The following MGMT variants were observed in gnomAD, a reference collection of about 807,000 sequenced individuals.
The protein encoded by MGMT is O-6-methylguanine-DNA methyltransferase, also known as methylated-DNA--protein-cysteine methyltransferase.
A neutral mutation model predicts 15.9 loss-of-function variants in MGMT; 14 were observed. That is an observed-to-expected ratio of 0.88 (90% CI 0.58 to 1.37). The LOEUF (loss-of-function observed/expected upper bound fraction) is 1.37. MGMT is among the 40% of genes most tolerant of loss of function. The pLI, the probability that MGMT is intolerant of heterozygous loss-of-function variation, is 0.00. For synonymous variants in MGMT, 130 were observed against 118.2 expected, an observed-to-expected ratio of 1.10 and a Z score of -0.65; for missense variants, 282 against 268.1, an observed-to-expected ratio of 1.05 and a Z score of -0.36.
intron 2 of MGMT, among the ~76,000 whole-genome samples, chr10:129,653,579 C>T (rs1446603228): frequency 6.6e-6 from 1 of 152,250 alleles, no homozygotes; most frequent in Non-Finnish European, 1.5e-5. Flanking sequence ...AATGGAGTGG[C>T]CTCACGTGGC....
intron 3 of MGMT, among the ~76,000 whole-genome samples, chr10:129,720,608 T>G (rs1848358897): frequency 6.6e-6 from 1 of 152,232 alleles, no homozygotes; most frequent in Non-Finnish European, 1.5e-5. Context: ...AGCACACAGC[T>G]AAAGATTGCC....
At chr10:129,630,089 T>C (rs1847193054) in intron 2 of MGMT, among the ~76,000 whole-genome samples, 1 of 152,176 alleles carries the variant, frequency 6.6e-6, no homozygotes, top group Non-Finnish European at 1.5e-5. Flanking sequence ...CTTTGTCTGG[T>C]TAATCGCGTG....
chr10:129,726,576 T>C (rs999632390), intron 3 of MGMT, among the ~76,000 whole-genome samples: 5 of 152,236 alleles, frequency 3.3e-5, no homozygotes, highest in Non-Finnish European at 5.9e-5. Flanking sequence ...ATTGGTGTTT[T>C]CCACAGATCT....
At chr10:129,657,412 G>C (rs1381842931) in intron 2 of MGMT, among the ~76,000 whole-genome samples, 1 of 151,500 alleles carries the variant, frequency 6.6e-6, no homozygotes, top group East Asian at 2.0e-4. Context: ...TGGGGGTGGG[G>C]GGGGGAGCAA....
chr10:129,589,191 G>A (rs180875827), intron 2 of MGMT, among the ~76,000 whole-genome samples: 5 of 152,240 alleles, frequency 3.3e-5, no homozygotes, highest in East Asian at 3.8e-4. Flanking sequence ...GTCTGTTCTC[G>A]CAGTCATGGA....
chr10:129,654,198 G>A (rs1847497723), intron 2 of MGMT, among the ~76,000 whole-genome samples: 1 of 152,162 alleles, frequency 6.6e-6, no homozygotes, highest in Non-Finnish European at 1.5e-5. Context: ...CCCATCTGTG[G>A]TTTGGGATCC....
intron 1 of MGMT, among the ~76,000 whole-genome samples, chr10:129,497,194 C>T (rs1845530379): frequency 6.6e-6 from 1 of 152,184 alleles, no homozygotes; most frequent in South Asian, 2.1e-4. Flanking sequence ...ACAGCTCGTA[C>T]CACTCCCCCG....
At chr10:129,550,277 C>G (rs538848684) in intron 2 of MGMT, among the ~76,000 whole-genome samples, 1 of 151,378 alleles carries the variant, frequency 6.6e-6, no homozygotes, top group Non-Finnish European at 1.5e-5. Context: ...CAGCCATCAC[C>G]GCCACCCAGC....
intron 1 of MGMT, among the ~76,000 whole-genome samples, chr10:129,526,445 G>A (rs1230054766): frequency 2.6e-5 from 4 of 152,078 alleles, no homozygotes; most frequent in African/African-American, 4.8e-5. Flanking sequence ...ACACAGACCC[G>A]AAGCCCAGGC....
At chr10:129,672,512 G>C (rs1021123871) in intron 2 of MGMT, among the ~76,000 whole-genome samples, 1 of 152,038 alleles carries the variant, frequency 6.6e-6, no homozygotes, top group Non-Finnish European at 1.5e-5. Context: ...TAAATCTCTT[G>C]TTCTCCGTTA....
chr10:129,705,198 G>A (rs980209325), intron 2 of MGMT, among the ~76,000 whole-genome samples: 3 of 152,192 alleles, frequency 2.0e-5, no homozygotes, highest in African/African-American at 7.2e-5. Flanking sequence ...AAATGGAAAC[G>A]CCACCATAGG....
At chr10:129,702,333 G>T (rs1848108954) in intron 2 of MGMT, among the ~76,000 whole-genome samples, 1 of 152,208 alleles carries the variant, frequency 6.6e-6, no homozygotes. Flanking sequence ...CACACGCCCA[G>T]CAAAGCTGGG....
In MGMT at chr10:129,731,486, A is replaced by G. The variant is rs1848497268; in HGVS notation, c.274+23443A>G. Among the ~76,000 whole-genome samples, 5 of 148,162 alleles carry G rather than the reference A, an allele frequency of 3.4e-5. No individual in the cohort carries two copies. In the South Asian group the frequency reaches 1.1e-3, roughly 31 times the overall value. On this transcript the variant is annotated intron_variant, in intron 3 of 4. Transcript: ENST00000651593. ...CAAGAGATTCTTCTGCCTCAGCTTC[A>G]TACACCCTGCATATGCCGGCTGCCT...
intron 1 of MGMT, among the ~76,000 whole-genome samples, chr10:129,524,704 G>T (rs1845850200): frequency 6.9e-6 from 1 of 145,422 alleles, no homozygotes; most frequent in African/African-American, 2.5e-5. Flanking sequence ...CCATTCTCCT[G>T]CCTCAGCCTC....
At chr10:129,513,799 T>C (rs7923733) in intron 1 of MGMT, among the ~76,000 whole-genome samples, 23,557 of 152,160 alleles carry the variant, frequency 0.15, 2,555 homozygotes, top group African/African-American at 0.3. Context: ...TTTTCTTCAT[T>C]GCGGACAGAG....
intron 2 of MGMT, among the ~76,000 whole-genome samples, chr10:129,626,270 A>G (rs375660157): frequency 2.6e-5 from 4 of 152,038 alleles, no homozygotes; most frequent in South Asian, 4.2e-4. Flanking sequence ...GTCCCCACCC[A>G]CCCGCATGCC....
chr10:129,512,179 C>A (rs1301214730), intron 1 of MGMT, among the ~76,000 whole-genome samples: 1 of 152,162 alleles, frequency 6.6e-6, no homozygotes, highest in Admixed American at 6.5e-5. Flanking sequence ...GCAGCCATCC[C>A]TGCTTTAATT....
At chr10:129,557,418 G>A (rs777201598) in intron 2 of MGMT, among the ~76,000 whole-genome samples, 22 of 151,928 alleles carry the variant, frequency 1.4e-4, no homozygotes, top group Non-Finnish European at 1.3e-4. Flanking sequence ...GAATTTTATT[G>A]GTATTTTTAG....
chr10:129,687,546 G>A (rs1847918477), intron 2 of MGMT, among the ~76,000 whole-genome samples: 1 of 152,202 alleles, frequency 6.6e-6, no homozygotes, highest in Admixed American at 6.5e-5. Flanking sequence ...TGCATACGGT[G>A]CAAATCTGTG....
Sources: allele counts gnomAD v4.1 joint callset (sites outside exome capture counted in the v4.1 genomes callset), GRCh38; gene constraint gnomAD v4.1.1; transcripts MANE v1.5; gene names NCBI Gene and HGNC (gene_info 2026-07-23, HGNC 2026-07-21).